KCNMB2: variants seen among roughly 807,000 people sequenced by gnomAD.
KCNMB2 encodes potassium calcium-activated channel subfamily M regulatory beta subunit 2, also known as calcium-activated potassium channel subunit beta-2.
Under a neutral mutation model 24.5 loss-of-function variants are expected in KCNMB2, and 9 were observed. The ratio of observed to expected loss-of-function variants is 0.37; its 90% CI spans 0.22 to 0.64. The LOEUF (loss-of-function observed/expected upper bound fraction) is 0.64. Ranked by LOEUF, KCNMB2 falls within the 30% of genes least tolerant of loss-of-function variation. KCNMB2 has a pLI of 0.63. For missense variants in KCNMB2, 226 were observed against 284.3 expected, an observed-to-expected ratio of 0.79 and a Z score of 1.47; for synonymous variants, 109 against 104.4, an observed-to-expected ratio of 1.04 and a Z score of -0.27.
rs866446867 is a variant in KCNMB2, at chr3:178,564,400, T to C, written c.-68+27689T>C. On this transcript the variant is annotated intron_variant, in intron 1 of 4. Transcript: ENST00000452583. ...ACTGAGACAAGAAATTCAGTGCTTA[T>C]GTAGGTCTGAATATCATAGGTCTGA... 3.9e-5 allele frequency among the ~76,000 whole-genome samples: 6 copies of C among 152,190 alleles called. No homozygotes were observed. The South Asian group carries it at 1.2e-3, about 31-fold the overall frequency.
At chr3:178,581,711 TA>T (rs1717213480) in intron 1 of KCNMB2, among the ~76,000 whole-genome samples, 1 of 151,960 alleles carries the variant, frequency 6.6e-6, no homozygotes, top group Admixed American at 6.6e-5. Context: ...GCAAAGAATA[TA>T]AACAGACACT....
At chr3:178,629,995 G>T (rs1719257708) in intron 1 of KCNMB2, among the ~76,000 whole-genome samples, 2 of 152,158 alleles carry the variant, frequency 1.3e-5, no homozygotes, top group Admixed American at 1.3e-4. Context: ...ACCACCAACA[G>T]ACTCACAGTT....
At chr3:178,554,075 T>C (rs1179652390) in intron 1 of KCNMB2, among the ~76,000 whole-genome samples, 2 of 152,294 alleles carry the variant, frequency 1.3e-5, no homozygotes, top group South Asian at 2.1e-4. Context: ...CTCATGCTGA[T>C]GATAAAGCTA....
chr3:178,757,290 G>GAA (rs1724103392), intron 1 of KCNMB2, among the ~76,000 whole-genome samples: 1 of 99,854 alleles, frequency 1.0e-5, no homozygotes, highest in South Asian at 3.3e-4. Context: ...ATATCCAAGA[G>GAA]GATATATATA....
intron 1 of KCNMB2, among the ~76,000 whole-genome samples, chr3:178,753,150 G>T (rs1395091800): frequency 6.6e-6 from 1 of 152,184 alleles, no homozygotes; most frequent in Non-Finnish European, 1.5e-5. Context: ...AATGTTACAG[G>T]ATGTCAATGG....
At chr3:178,733,516 CGT>C (rs1196610937) in intron 1 of KCNMB2, among the ~76,000 whole-genome samples, 2 of 151,900 alleles carry the variant, frequency 1.3e-5, no homozygotes, top group African/African-American at 4.8e-5. Flanking sequence ...AGTCTCGCTC[CGT>C]CGCCCAGGCT....
At position 178,631,404 on chromosome 3, in the gene KCNMB2, A is replaced by G. The variant is rs1719314713; in HGVS notation, c.-68+94693A>G. Among the ~76,000 whole-genome samples the G allele has an allele frequency of 2.0e-5, 3 of 152,240 alleles. No individual in the cohort carries two copies. The South Asian group carries it at 6.2e-4, about 31-fold the overall frequency. ...GAAAAGGCTAGGGGACCCAAGCCAC[A>G]TAGCTATTAATAAAAGGACATGAAT... On this transcript the variant is annotated intron_variant, in intron 1 of 4. Coordinates refer to ENST00000452583, the MANE Select transcript of KCNMB2 (RefSeq NM_181361.3).
chr3:178,627,177 G>A (rs1203756325), intron 1 of KCNMB2, among the ~76,000 whole-genome samples: 1 of 152,046 alleles, frequency 6.6e-6, no homozygotes, highest in Non-Finnish European at 1.5e-5. Context: ...CTAAACTTCT[G>A]AAGTAACCAG....
chr3:178,709,516 G>A (rs1265344159), intron 1 of KCNMB2, among the ~76,000 whole-genome samples: 1 of 152,134 alleles, frequency 6.6e-6, no homozygotes, highest in African/African-American at 2.4e-5. Flanking sequence ...CAAAAGACGG[G>A]TTAACACAAT....
intron 1 of KCNMB2, among the ~76,000 whole-genome samples, chr3:178,629,310 G>A (rs979505985): frequency 7.9e-5 from 12 of 152,148 alleles, no homozygotes; most frequent in African/African-American, 2.4e-4. Context: ...TAATTCTAGA[G>A]CAAGCAAGGA....
chr3:178,566,801 A>C (rs1297992388), intron 1 of KCNMB2, among the ~76,000 whole-genome samples: 1 of 152,250 alleles, frequency 6.6e-6, no homozygotes, highest in Non-Finnish European at 1.5e-5. Context: ...TACAGTGCAC[A>C]CTTTGCAAAA....
intron 1 of KCNMB2, among the ~76,000 whole-genome samples, chr3:178,694,837 C>G (rs930978466): frequency 2.6e-5 from 4 of 152,182 alleles, no homozygotes; most frequent in African/African-American, 9.7e-5. Context: ...GTGGCTTTTC[C>G]AGGTGTACGG....
rs142807167 is a variant in KCNMB2, at chr3:178,589,990, A to G, written c.-68+53279A>G. ...GCTGGGAATTTTCTTTTAACATCCT[A>G]CTGTGTAAGACGAAATCAAGTCAGA... On this transcript the variant is annotated intron_variant, in intron 1 of 4. Coordinates refer to ENST00000452583, the MANE Select transcript of KCNMB2 (RefSeq NM_181361.3). Among the ~76,000 whole-genome samples the G allele has an allele frequency of 5.9e-4, 90 of 152,348 alleles. 1 individual carries two copies. In the East Asian group the frequency reaches 0.014, roughly 23 times the overall value.
Position 178,835,693 on chromosome 3 carries a change from TG to T in KCNMB2, c.424-6959del, listed in dbSNP as rs557168053. Among the ~76,000 whole-genome samples, 856 of 145,534 alleles carry T rather than the reference TG, an allele frequency of 5.9e-3. 8 individuals carry two copies. Among genetic ancestry groups the T allele is most frequent in the Non-Finnish European group, 8.5e-3 (569 of 66,622 alleles). ...TAATATTTATGTTTCACATGAGCAATGTTTTTTTTTCCATTTTTGGTTTTTG... is the reference window on the plus strand; with the variant it reads ...TAATATTTATGTTTCACATGAGCAATTTTTTTTTTCCATTTTTGGTTTTTG... On this transcript the variant is annotated intron_variant, in intron 4 of 4. Coordinates refer to ENST00000452583, the MANE Select transcript of KCNMB2 (RefSeq NM_181361.3).
intron 1 of KCNMB2, among the ~76,000 whole-genome samples, chr3:178,762,849 G>GAAA (rs58820080): frequency 7.7e-5 from 10 of 129,296 alleles, no homozygotes; most frequent in African/African-American, 2.6e-4. Context: ...TTACTGAGTT[G>GAAA]AAAAAAAAAA....
At position 178,587,882 on chromosome 3, in the gene KCNMB2, TC is replaced by T. The variant is rs545737019; in HGVS notation, c.-68+51178del. Among the ~76,000 whole-genome samples the T allele has an allele frequency of 4.6e-3, 413 of 89,846 alleles. 3 individuals are homozygous for T. Among genetic ancestry groups the T allele is most frequent in the African/African-American group, 0.017 (390 of 22,430 alleles). The allele number at this position is 89,846 out of a possible 152,430, so 58.9% of individuals were successfully genotyped here. ...TAGGTATATCTCCTAATGCTATCCC[TC>T]CCCCCCTCCCCCCACCCCACAACAG... On this transcript the variant is annotated intron_variant, in intron 1 of 4. Transcript: ENST00000452583.
At chr3:178,539,655 C>T (rs1184089442) in intron 1 of KCNMB2, among the ~76,000 whole-genome samples, 1 of 151,978 alleles carries the variant, frequency 6.6e-6, no homozygotes, top group Non-Finnish European at 1.5e-5. Context: ...AGAAAAACAG[C>T]ATTATCCTTT....
At chr3:178,698,254 C>T (rs768324603) in intron 1 of KCNMB2, among the ~76,000 whole-genome samples, 6 of 152,134 alleles carry the variant, frequency 3.9e-5, no homozygotes, top group Non-Finnish European at 8.8e-5. Flanking sequence ...AGATTCATAA[C>T]ACCAAGAGTC....
At chr3:178,806,230 C>G (rs1713961263) in intron 1 of KCNMB2, among the ~76,000 whole-genome samples, 1 of 152,152 alleles carries the variant, frequency 6.6e-6, no homozygotes, top group Non-Finnish European at 1.5e-5. Flanking sequence ...TAAATGTAAG[C>G]AAAAATCTCA....
Sources: allele counts gnomAD v4.1 joint callset (sites outside exome capture counted in the v4.1 genomes callset), GRCh38; gene constraint gnomAD v4.1.1; transcripts MANE v1.5; gene names NCBI Gene and HGNC (gene_info 2026-07-23, HGNC 2026-07-21).